Variants in UIMC1 observed in about 807,000 individuals in gnomAD.
The protein encoded by UIMC1 is ubiquitin interaction motif containing 1, also known as BRCA1-A complex subunit RAP80.
In UIMC1, 42 loss-of-function variants were observed where a neutral mutation model predicts 84.9. The ratio of observed to expected loss-of-function variants is 0.49; its 90% confidence interval spans 0.39 to 0.64. The LOEUF (loss-of-function observed/expected upper bound fraction) is 0.64, where lower values mean the gene tolerates loss of function less well. Ranked by LOEUF, UIMC1 falls within the 30% of genes least tolerant of loss-of-function variation. The pLI, the probability that UIMC1 is intolerant of heterozygous loss-of-function variation, is 0.00. For synonymous variants in UIMC1, 281 were observed against 293.0 expected (o/e 0.96, Z 0.42); for missense variants, 825 against 847.6 (o/e 0.97, Z 0.33).
chr5:176,984,464 T>C (rs1381980698), intron 1 of UIMC1, among the ~76,000 whole-genome samples: 2 of 117,944 alleles, frequency 1.7e-5, no homozygotes, highest in Admixed American at 1.8e-4. Flanking sequence ...TCGTCTGGGA[T>C]GTGAGGAGCG....
chr5:177,016,020 C>A (rs1254436840), intron 1 of UIMC1, among the ~76,000 whole-genome samples: 1 of 151,002 alleles, frequency 6.6e-6, no homozygotes, highest in Non-Finnish European at 1.5e-5. Flanking sequence ...TGAGCCGAGA[C>A]CACGCTACCA....
intron 6 of UIMC1, 22 bp from the exon 7 acceptor site, chr5:176,958,176 C>G: frequency 6.2e-7 from 1 of 1,604,776 alleles, no homozygotes; most frequent in Non-Finnish European, 8.5e-7. Context: ...TACGTAGTAT[C>G]TTAAATATAC....
intron 10 of UIMC1, among the ~76,000 whole-genome samples, chr5:176,935,665 C>A (rs1043279476): frequency 2.6e-5 from 4 of 152,242 alleles, no homozygotes; most frequent in Admixed American, 2.6e-4. Context: ...GAAGACTGGA[C>A]AGGGTACAAA....
At chr5:176,969,883 T>C (rs1768933806) in intron 4 of UIMC1, 177 bp from the exon 5 acceptor site, 2 of 602,418 alleles carry the variant, frequency 3.3e-6, no homozygotes, top group Admixed American at 5.9e-5. Flanking sequence ...AGTGTTGTAC[T>C]AGATCACTAT....
rs77182590 is a variant in UIMC1, at chr5:177,004,227, C to A, written c.-9+2423G>T. Among the ~76,000 whole-genome samples the A allele has an allele frequency of 3.8e-3, 580 of 152,232 alleles. 3 individuals carry two copies. Among genetic ancestry groups the A allele is most frequent in the African/African-American group, 0.013 (538 of 41,552 alleles). On this transcript the variant is annotated intron_variant, in intron 1 of 14. Transcript: ENST00000511320. ...AAACCCAGCATAGAACCACTGCAGGCTCAAGGTGGGTTTTCAAAGAATCAC... is the reference window on the plus strand; with the variant it reads ...AAACCCAGCATAGAACCACTGCAGGATCAAGGTGGGTTTTCAAAGAATCAC...
chr5:176,994,962 TG>T (rs1165251774), intron 1 of UIMC1, among the ~76,000 whole-genome samples: 2 of 146,786 alleles, frequency 1.4e-5, no homozygotes, highest in Admixed American at 1.4e-4. Flanking sequence ...GGGCGGGGTG[TG>T]GGGGGCAGTG....
chr5:176,943,732 A>G (rs186177806), intron 9 of UIMC1, among the ~76,000 whole-genome samples: 3 of 152,232 alleles, frequency 2.0e-5, no homozygotes, highest in East Asian at 1.9e-4. Context: ...TTTATATATT[A>G]CTCATTTATA....
chr5:177,018,033 A>G (rs1423643581), intron 1 of UIMC1, among the ~76,000 whole-genome samples: 3 of 152,022 alleles, frequency 2.0e-5, no homozygotes, highest in African/African-American at 7.2e-5. Flanking sequence ...CTGTCACTAG[A>G]TTAGACATAC....
At chr5:177,008,030 G>A (rs374284916), upstream of UIMC1, among the ~76,000 whole-genome samples, 326 of 150,372 alleles carry the variant, frequency 2.2e-3, 12 homozygotes, top group East Asian at 0.061. Flanking sequence ...GCTTGAACCT[G>A]GGAGGCAGAG....
At chr5:177,020,592 G>A (rs371069200) in intron 1 of UIMC1, among the ~76,000 whole-genome samples, 7 of 151,998 alleles carry the variant, frequency 4.6e-5, no homozygotes, top group East Asian at 3.9e-4. Context: ...CACCACGCCC[G>A]GCTAATTTTT....
At chr5:176,998,532 C>T (rs1030561444) in intron 1 of UIMC1, among the ~76,000 whole-genome samples, 3 of 145,088 alleles carry the variant, frequency 2.1e-5, no homozygotes, top group African/African-American at 7.7e-5. Flanking sequence ...CTTTGGGAGG[C>T]CAAGGCGGGC....
intron 11 of UIMC1, among the ~76,000 whole-genome samples, chr5:176,910,802 A>T (rs1374910477): frequency 6.6e-6 from 1 of 152,022 alleles, no homozygotes; most frequent in Non-Finnish European, 1.5e-5. Context: ...AAGAAAAAGA[A>T]ATTCAGGGCT....
At chr5:176,922,622 G>A (rs895539026) in intron 10 of UIMC1, among the ~76,000 whole-genome samples, 2 of 152,084 alleles carry the variant, frequency 1.3e-5, no homozygotes, top group African/African-American at 4.8e-5. Context: ...TGAACATTGG[G>A]TTAAGTTGTT....
intron 1 of UIMC1, among the ~76,000 whole-genome samples, chr5:177,005,354 A>G (rs1775107197): frequency 6.6e-6 from 1 of 152,184 alleles, no homozygotes; most frequent in Non-Finnish European, 1.5e-5. Context: ...GGAGTATAGG[A>G]GTGAGCCACC....
chr5:176,916,506 T>C (rs762220022), intron 10 of UIMC1, among the ~76,000 whole-genome samples: 5 of 152,234 alleles, frequency 3.3e-5, no homozygotes, highest in Admixed American at 6.5e-5. Flanking sequence ...GGGCCTCTAC[T>C]AGCTGTGTGG....
At chr5:176,910,793 A>C (rs761355697) in intron 11 of UIMC1, among the ~76,000 whole-genome samples, 37 of 150,136 alleles carry the variant, frequency 2.5e-4, no homozygotes, top group Non-Finnish European at 3.4e-4. Flanking sequence ...ACTAGGAATA[A>C]GAAAAAGAAA....
chr5:176,942,745 T>TAAA (rs1044619072), intron 10 of UIMC1, among the ~76,000 whole-genome samples: 791 of 76,076 alleles, frequency 0.01, 2 homozygotes, highest in Middle Eastern at 0.034. Flanking sequence ...GACTCCGTCT[T>TAAA]AAAAAAAAAA....
intron 3 of UIMC1, among the ~76,000 whole-genome samples, chr5:176,973,179 G>T (rs1769535108): frequency 1.3e-5 from 2 of 152,060 alleles, no homozygotes; most frequent in South Asian, 4.1e-4. Context: ...GCCTCCCAAA[G>T]TGCTGGGATC....
chr5:176,914,387 C>CA (rs1258266907), intron 10 of UIMC1, among the ~76,000 whole-genome samples: 1 of 152,194 alleles, frequency 6.6e-6, no homozygotes. Context: ...AAAACTGTGA[C>CA]ATGTTACCAG....
Sources: allele counts gnomAD v4.1 joint callset (sites outside exome capture counted in the v4.1 genomes callset), GRCh38; gene constraint gnomAD v4.1.1; transcripts MANE v1.5; gene names NCBI Gene and HGNC (gene_info 2026-07-23, HGNC 2026-07-21).